Variants in NRG3 observed in about 807,000 individuals in gnomAD.
NRG3 encodes neuregulin 3.
NRG3 carries 31 observed loss-of-function variants against 66.9 expected under a neutral mutation model. That is an observed-to-expected ratio of 0.46 (90% CI 0.35 to 0.63). NRG3 has a LOEUF of 0.63. NRG3 is among the 20% of genes least tolerant of loss of function. NRG3 has a pLI of 0.00. For missense variants in NRG3, 910 were observed against 878.9 expected, an observed-to-expected ratio of 1.04 and a Z score of -0.45; for synonymous variants, 393 against 359.4, an observed-to-expected ratio of 1.09 and a Z score of -1.06.
At chr10:82,886,742 AAAG>A (rs1261736733) in intron 4 of NRG3, among the ~76,000 whole-genome samples, 1 of 152,188 alleles carries the variant, frequency 6.6e-6, no homozygotes, top group Non-Finnish European at 1.5e-5. Context: ...TTTCTCAAGT[AAAG>A]ACAAAGTTAG....
chr10:82,380,146 A>G (rs1371439431), intron 2 of NRG3, among the ~76,000 whole-genome samples: 1 of 152,002 alleles, frequency 6.6e-6, no homozygotes, highest in Non-Finnish European at 1.5e-5. Context: ...CTCAGTGTAC[A>G]TGTGGAGCTT....
intron 1 of NRG3, among the ~76,000 whole-genome samples, chr10:82,353,927 C>T (rs2083597872): frequency 6.6e-6 from 1 of 151,418 alleles, no homozygotes; most frequent in Admixed American, 6.6e-5. Context: ...CATGCTCTTT[C>T]TCTAAGTTGT....
In NRG3 at chr10:82,582,662, TTGTGTGTGTGTG is replaced by T. The variant is rs141112949; in HGVS notation, c.954-155889_954-155878del. 3.7e-3 allele frequency among the ~76,000 whole-genome samples: 537 copies of T among 146,472 alleles called. 5 individuals carry two copies. Among genetic ancestry groups the T allele is most frequent in the African/African-American group, 0.013 (507 of 40,308 alleles). ...GAAGAGGGAAAAATATCTATATGTG[TTGTGTGTGTGTG>T]TGTGTGTGTGTGTGTGTGTGTGTGT... On this transcript the variant is annotated intron_variant, in intron 2 of 8. Transcript: ENST00000372141.
chr10:81,881,654 C>T (rs1293237278), intron 1 of NRG3, among the ~76,000 whole-genome samples: 3 of 152,078 alleles, frequency 2.0e-5, no homozygotes, highest in Non-Finnish European at 4.4e-5. Context: ...TTGGTTGACT[C>T]CGAAAGTTTG....
chr10:82,061,250 C>T (rs1356007354), intron 1 of NRG3, among the ~76,000 whole-genome samples: 1 of 152,102 alleles, frequency 6.6e-6, no homozygotes, highest in Non-Finnish European at 1.5e-5. Flanking sequence ...ACTTGGGAGG[C>T]TGAGGCAGAA....
intron 1 of NRG3, among the ~76,000 whole-genome samples, chr10:81,939,948 C>G (rs1848260460): frequency 6.6e-6 from 1 of 151,746 alleles, no homozygotes; most frequent in Admixed American, 6.6e-5. Flanking sequence ...TGCTATATCC[C>G]ATGGATTTTG....
chr10:81,988,866 C>T (rs1215742642), intron 1 of NRG3, among the ~76,000 whole-genome samples: 5 of 150,282 alleles, frequency 3.3e-5, no homozygotes, highest in African/African-American at 5.0e-5. Context: ...TTTCCAAACC[C>T]GGATGTACTT....
rs947659439 is a variant in NRG3 at position 82,986,107 on chromosome 10, T to C, written c.*502T>C. On this transcript the variant is annotated 3_prime_UTR_variant, in exon 9 of 9. Coordinates refer to ENST00000372141, the MANE Select transcript of NRG3 (RefSeq NM_001010848.4). ...ACATGTAGTGTTTTCTATTTGATTT[T>C]TGGAGAATGCCACAAAAGACTCTGC... is the stretch of plus-strand genomic sequence containing the variant. 1.3e-5 allele frequency: 2 copies of C among 153,580 alleles called. No individual in the cohort carries two copies. Among genetic ancestry groups the C allele is most frequent in the African/African-American group, 2.4e-5 (1 of 41,446 alleles). 9.5% of individuals were successfully genotyped at this position (153,580 alleles called of 1,614,324 possible). A position where few individuals can be genotyped will look rare whatever the true frequency, so the allele number is the denominator to read the frequency against.
At chr10:82,338,973 T>G (rs981894810) in intron 1 of NRG3, among the ~76,000 whole-genome samples, 5 of 152,168 alleles carry the variant, frequency 3.3e-5, no homozygotes, top group African/African-American at 4.8e-5. Flanking sequence ...TTCCCACTTT[T>G]GCTTAAGATG....
intron 3 of NRG3, among the ~76,000 whole-genome samples, chr10:82,821,555 A>G (rs1477247131): frequency 1.3e-5 from 2 of 152,012 alleles, no homozygotes; most frequent in African/African-American, 2.4e-5. Context: ...GCTGAATCAG[A>G]TTTGAGGAAA....
At chr10:82,596,448 C>T (rs1441182378) in intron 2 of NRG3, among the ~76,000 whole-genome samples, 2 of 152,138 alleles carry the variant, frequency 1.3e-5, no homozygotes, top group African/African-American at 2.4e-5. Flanking sequence ...AAAGTGGCTA[C>T]TCCCTGTTTC....
At chr10:82,267,613 A>G (rs1209688032) in intron 1 of NRG3, among the ~76,000 whole-genome samples, 2 of 152,176 alleles carry the variant, frequency 1.3e-5, no homozygotes, top group African/African-American at 4.8e-5. Context: ...TCACAGATGG[A>G]ATGACTATTA....
intron 1 of NRG3, among the ~76,000 whole-genome samples, chr10:82,347,439 T>G (rs541709182): frequency 1.3e-3 from 196 of 152,248 alleles, no homozygotes; most frequent in African/African-American, 4.4e-3. Context: ...AGACAGTTTG[T>G]TATAATCTCT....
intron 1 of NRG3, chr10:82,166,662 A>G: frequency 2.2e-6 from 1 of 455,192 alleles, no homozygotes; most frequent in Non-Finnish European, 3.9e-6. Context: ...ATATGTATAT[A>G]TAGAAAAATA....
chr10:82,486,329 C>T (rs552909279), intron 2 of NRG3, among the ~76,000 whole-genome samples: 1 of 152,176 alleles, frequency 6.6e-6, no homozygotes, highest in East Asian at 1.9e-4. Flanking sequence ...TTCAATGAAG[C>T]ATTATTCATA....
intron 1 of NRG3, among the ~76,000 whole-genome samples, chr10:82,039,531 A>G (rs1190690284): frequency 1.3e-5 from 2 of 152,100 alleles, no homozygotes; most frequent in Non-Finnish European, 2.9e-5. Context: ...TAGTGTGATG[A>G]TTAACAGAAT....
At chr10:82,839,690 A>G (rs1209971110) in intron 3 of NRG3, among the ~76,000 whole-genome samples, 2 of 151,828 alleles carry the variant, frequency 1.3e-5, no homozygotes, top group Admixed American at 1.3e-4. Flanking sequence ...TTTATAAAAT[A>G]TGTGATTATT....
At chr10:82,254,648 A>G (rs979776334) in intron 1 of NRG3, among the ~76,000 whole-genome samples, 2 of 145,384 alleles carry the variant, frequency 1.4e-5, no homozygotes, top group Non-Finnish European at 3.1e-5. Flanking sequence ...CTAAAAACAA[A>G]ACAAATACAC....
chr10:82,294,232 A>C (rs1377314865), intron 1 of NRG3, among the ~76,000 whole-genome samples: 1 of 152,190 alleles, frequency 6.6e-6, no homozygotes, highest in African/African-American at 2.4e-5. Context: ...TTCATATCAC[A>C]AATCCTCTTC....
Sources: gnomAD v4.1 joint callset for allele counts (sites outside exome capture counted in the v4.1 genomes callset) on GRCh38, gnomAD v4.1.1 for gene constraint, MANE v1.5 for transcripts, NCBI Gene and HGNC (gene_info 2026-07-23, HGNC 2026-07-21) for gene names.